DLG2: variants seen among roughly 807,000 people sequenced by gnomAD.
DLG2 encodes discs large MAGUK scaffold protein 2, also known as disks large homolog 2.
Under a neutral mutation model 132.5 loss-of-function variants are expected in DLG2, and 45 were observed. The observed-to-expected ratio is 0.34, with a 90% CI of 0.27 to 0.44. DLG2 has a LOEUF of 0.44. DLG2 is among the 20% of genes least tolerant of loss of function. The pLI, the probability that DLG2 is intolerant of heterozygous loss-of-function variation, is 1.00. For synonymous variants in DLG2, 424 were observed against 419.6 expected, an observed-to-expected ratio of 1.01 and a Z score of -0.13; for missense variants, 1,045 against 1,196.9, an observed-to-expected ratio of 0.87 and a Z score of 1.87.
intron 6 of DLG2, among the ~76,000 whole-genome samples, chr11:84,677,181 G>A (rs993992495): frequency 6.6e-6 from 1 of 152,126 alleles, no homozygotes; most frequent in African/African-American, 2.4e-5. Context: ...ATTCATTAAA[G>A]TAGATTGTAT....
intron 6 of DLG2, among the ~76,000 whole-genome samples, chr11:84,782,047 C>G (rs2071895872): frequency 6.6e-6 from 1 of 152,100 alleles, no homozygotes; most frequent in Admixed American, 6.6e-5. Context: ...CCACAATCTT[C>G]ACTTGACAAT....
At chr11:83,484,049 A>C in intron 22 of DLG2, 80 bp downstream of exon 22, 4 of 1,149,208 alleles carry the variant, frequency 3.5e-6, no homozygotes, top group Non-Finnish European at 5.2e-6. Flanking sequence ...GTGGCGTGGG[A>C]GAGCCTACAT....
At chr11:84,665,587 A>T (rs1195752704) in intron 6 of DLG2, among the ~76,000 whole-genome samples, 1 of 152,050 alleles carries the variant, frequency 6.6e-6, no homozygotes. Context: ...CAGAGAGTCA[A>T]TTTCTGTGAG....
chr11:85,454,680 C>A (rs940274505), intron 3 of DLG2, among the ~76,000 whole-genome samples: 1 of 152,074 alleles, frequency 6.6e-6, no homozygotes, highest in African/African-American at 2.4e-5. Flanking sequence ...ACGTTTAAGT[C>A]TTTAATACAT....
chr11:85,482,147 A>G (rs979427230), intron 3 of DLG2, among the ~76,000 whole-genome samples: 1 of 151,966 alleles, frequency 6.6e-6, no homozygotes, highest in Non-Finnish European at 1.5e-5. Context: ...CCAAAGTCCC[A>G]AGCTTCAGGC....
At chr11:85,028,899 C>T (rs564463436) in intron 6 of DLG2, among the ~76,000 whole-genome samples, 12 of 152,112 alleles carry the variant, frequency 7.9e-5, no homozygotes, top group Non-Finnish European at 1.6e-4. Context: ...CTCTGTGGAG[C>T]GCGCAGCCCC....
intron 10 of DLG2, among the ~76,000 whole-genome samples, chr11:84,095,329 T>G (rs926060378): frequency 6.6e-6 from 1 of 152,174 alleles, no homozygotes; most frequent in African/African-American, 2.4e-5. Context: ...AACATCTCAG[T>G]GAAGTAGGTA....
intron 6 of DLG2, among the ~76,000 whole-genome samples, chr11:84,842,832 A>G (rs1388936820): frequency 6.6e-6 from 1 of 151,810 alleles, no homozygotes; most frequent in African/African-American, 2.4e-5. Flanking sequence ...GCACACATAT[A>G]TGTGTGTATA....
chr11:85,592,785 C>T lies in DLG2; in HGVS notation c.40+5872G>A, dbSNP rs550257501. On this transcript the variant is annotated intron_variant, in intron 3 of 27. Transcript: ENST00000376104. ...GGGCAAAATGGTGAAGTCTCCTTTC[C>T]GCAAAAAAAATTCAAAAATTAGCCA... Among the ~76,000 whole-genome samples, 31 of 151,584 alleles carry T rather than the reference C, an allele frequency of 2.0e-4. 1 individual carries two copies. The highest frequency in any genetic ancestry group is 8.3e-4 in the South Asian group (4 of 4,802).
At chr11:83,779,592 A>G (rs1242402720) in intron 18 of DLG2, among the ~76,000 whole-genome samples, 3 of 152,172 alleles carry the variant, frequency 2.0e-5, no homozygotes, top group African/African-American at 7.2e-5. Context: ...AGTAAATTTT[A>G]AAAATCAAGG....
chr11:84,927,349 G>C (rs1437668342), intron 6 of DLG2, among the ~76,000 whole-genome samples: 1 of 151,862 alleles, frequency 6.6e-6, no homozygotes, highest in Non-Finnish European at 1.5e-5. Flanking sequence ...CTTTAGATAG[G>C]ACAAATTAGG....
At chr11:84,349,752 A>T (rs2154411246) in intron 7 of DLG2, among the ~76,000 whole-genome samples, 1 of 152,276 alleles carries the variant, frequency 6.6e-6, no homozygotes, top group African/African-American at 2.4e-5. Flanking sequence ...AATATACACC[A>T]ATGTGGTCAC....
intron 3 of DLG2, among the ~76,000 whole-genome samples, chr11:85,443,192 C>T (rs549613461): frequency 5.3e-5 from 8 of 152,280 alleles, no homozygotes; most frequent in South Asian, 4.1e-4. Context: ...TACTACAGCA[C>T]GATTTCTCTG....
intron 6 of DLG2, among the ~76,000 whole-genome samples, chr11:84,718,467 T>C (rs1037472148): frequency 2.0e-5 from 3 of 152,042 alleles, no homozygotes; most frequent in Non-Finnish European, 4.4e-5. Flanking sequence ...TTCCCTCCAA[T>C]ATGGTTTGAA....
chr11:84,710,165 TG>T (rs1395700486), intron 6 of DLG2, among the ~76,000 whole-genome samples: 1 of 151,952 alleles, frequency 6.6e-6, no homozygotes, highest in East Asian at 1.9e-4. Context: ...AATAAAACAC[TG>T]TGGGTGGTGA....
At chr11:84,784,027 G>A (rs989081283) in intron 6 of DLG2, among the ~76,000 whole-genome samples, 6 of 150,856 alleles carry the variant, frequency 4.0e-5, no homozygotes, top group Non-Finnish European at 5.9e-5. Context: ...GCTGGGCACA[G>A]TGGCTCACAC....
At chr11:84,645,303 C>T (rs1003593190) in intron 6 of DLG2, among the ~76,000 whole-genome samples, 3 of 152,002 alleles carry the variant, frequency 2.0e-5, no homozygotes, top group African/African-American at 7.3e-5. Flanking sequence ...TAAAATATGT[C>T]AAGTAACTAT....
At chr11:83,696,905 C>A (rs148294103) in intron 18 of DLG2, among the ~76,000 whole-genome samples, 1 of 152,286 alleles carries the variant, frequency 6.6e-6, no homozygotes, top group East Asian at 1.9e-4. Flanking sequence ...AGTCAAAAAT[C>A]CATTTTTAAT....
Position 85,368,680 on chromosome 11 carries a change from A to T in DLG2, c.41-83315T>A, listed in dbSNP as rs554480329. ...GGATTGTTGGTGGCCAACAGTGCAT[A>T]TCTGAGTCTCTCTCAATAAATTGCT... On this transcript the variant is annotated intron_variant, in intron 3 of 27. Transcript: ENST00000376104. 3.9e-5 allele frequency among the ~76,000 whole-genome samples: 6 copies of T among 152,330 alleles called. No individual in the cohort carries two copies. In the South Asian group the frequency reaches 1.2e-3, roughly 32 times the overall value.
Sources: allele counts gnomAD v4.1 joint callset (sites outside exome capture counted in the v4.1 genomes callset), GRCh38; gene constraint gnomAD v4.1.1; transcripts MANE v1.5; gene names NCBI Gene and HGNC (gene_info 2026-07-23, HGNC 2026-07-21).